CPEB3: variants seen among roughly 807,000 people sequenced by gnomAD.
The protein encoded by CPEB3 is cytoplasmic polyadenylation element-binding protein 3.
A neutral mutation model predicts 67.2 loss-of-function variants in CPEB3; 20 were observed. That is an observed-to-expected ratio of 0.30 (90% CI 0.21 to 0.43). CPEB3 has a LOEUF of 0.43. CPEB3 is among the 20% of genes least tolerant of loss of function. The pLI is 1.00. For missense variants in CPEB3, 746 were observed against 968.6 expected, an observed-to-expected ratio of 0.77 and a Z score of 3.05; for synonymous variants, 376 against 393.1, an observed-to-expected ratio of 0.96 and a Z score of 0.51.
intron 7 of CPEB3, among the ~76,000 whole-genome samples, chr10:92,104,477 C>A (rs1407258987): frequency 6.6e-6 from 1 of 151,356 alleles, no homozygotes; most frequent in African/African-American, 2.4e-5. Context: ...AGCCCCACCT[C>A]CCAGGTTCAC....
At chr10:92,221,270 A>G (rs138924588) in intron 2 of CPEB3, among the ~76,000 whole-genome samples, 108 of 152,310 alleles carry the variant, frequency 7.1e-4, no homozygotes, top group Non-Finnish European at 1.2e-3. Flanking sequence ...TGGCAGGTGG[A>G]TCACTTGAGG....
intron 8 of CPEB3, among the ~76,000 whole-genome samples, chr10:92,088,958 C>G (rs1415914989): frequency 1.3e-5 from 2 of 152,188 alleles, no homozygotes; most frequent in African/African-American, 4.8e-5. Flanking sequence ...AGTTCACATT[C>G]TATAAACACA....
chr10:92,151,349 A>G (rs1376241558), intron 4 of CPEB3, among the ~76,000 whole-genome samples: 2 of 152,286 alleles, frequency 1.3e-5, no homozygotes, highest in South Asian at 2.1e-4. Context: ...TAGCTCAGCA[A>G]TCAGTCACTT....
At chr10:92,088,334 C>T (rs902936156) in intron 8 of CPEB3, among the ~76,000 whole-genome samples, 9 of 149,042 alleles carry the variant, frequency 6.0e-5, no homozygotes, top group African/African-American at 2.0e-4. Flanking sequence ...TCAAGTGGTT[C>T]TCCTGCCTCA....
intron 6 of CPEB3, among the ~76,000 whole-genome samples, chr10:92,112,426 T>G (rs1564789295): frequency 6.6e-6 from 1 of 152,158 alleles, no homozygotes; most frequent in Admixed American, 6.5e-5. Flanking sequence ...ATTACAGGTG[T>G]GAGCCACCAC....
At chr10:92,070,039 A>C (rs1842697128) in intron 9 of CPEB3, among the ~76,000 whole-genome samples, 1 of 152,212 alleles carries the variant, frequency 6.6e-6, no homozygotes, top group Admixed American at 6.5e-5. Flanking sequence ...TTTGGAAAAA[A>C]AGGGACTAAG....
intron 5 of CPEB3, among the ~76,000 whole-genome samples, chr10:92,144,653 C>G (rs1030348014): frequency 5.0e-4 from 76 of 152,310 alleles, no homozygotes; most frequent in African/African-American, 1.8e-3. Flanking sequence ...GCAACTGCAC[C>G]ATCAGCTATA....
At position 92,048,539 on chromosome 10, in the gene CPEB3, T is replaced by G. The variant is rs942936818; in HGVS notation, c.*3673A>C. 2 of 152,552 alleles carry G rather than the reference T, an allele frequency of 1.3e-5. No individual in the cohort carries two copies. The highest frequency in any genetic ancestry group is 4.8e-5 in the African/African-American group (2 of 41,438). The allele number at this position is 152,552 out of a possible 1,614,324, so 9.4% of individuals were successfully genotyped here. A position where few individuals can be genotyped will look rare whatever the true frequency, so the allele number is the denominator to read the frequency against. On this transcript the variant is annotated 3_prime_UTR_variant, in exon 10 of 10. Transcript: ENST00000265997. The surrounding 1 kb of genome is among the most constrained non-coding windows in gnomAD (Gnocchi z 4.1). ...ACAGGTTTGGCTGCACCTGGTGTTG[T>G]ATAAATCCACCGTGACATCCCTAGA...
At chr10:92,087,911 T>A (rs1843440805) in intron 8 of CPEB3, among the ~76,000 whole-genome samples, 1 of 152,158 alleles carries the variant, frequency 6.6e-6, no homozygotes, top group Admixed American at 6.5e-5. Context: ...CTAAAGAATA[T>A]GCGAGCTTTA....
intron 4 of CPEB3, among the ~76,000 whole-genome samples, chr10:92,160,560 A>C (rs536343238): frequency 6.6e-6 from 1 of 152,168 alleles, no homozygotes; most frequent in Non-Finnish European, 1.5e-5. Flanking sequence ...TGACAACCCA[A>C]TGAAAAATCT....
At position 92,047,252 on chromosome 10, in the gene CPEB3, G is replaced by A. The variant is rs1281821822; in HGVS notation, c.*4960C>T. On this transcript the variant is annotated 3_prime_UTR_variant, in exon 10 of 10. Coordinates refer to ENST00000265997, the MANE Select transcript of CPEB3 (RefSeq NM_014912.5). ...ATTGCAGCTGAGATAGAGAAGTTTG[G>A]TTATTATAAAAGAAAAAAAAAAACA... 1 of 143,050 alleles carries A rather than the reference G, an allele frequency of 7.0e-6. No homozygotes were observed. Among genetic ancestry groups the A allele is most frequent in the Non-Finnish European group, 1.5e-5 (1 of 64,662 alleles). 8.9% of individuals were successfully genotyped at this position (143,050 alleles called of 1,614,324 possible).
intron 2 of CPEB3, among the ~76,000 whole-genome samples, chr10:92,225,728 T>C (rs1850937864): frequency 6.6e-6 from 1 of 152,182 alleles, no homozygotes; most frequent in Admixed American, 6.6e-5. Flanking sequence ...GTAAATTACA[T>C]TACACAGACA....
intron 3 of CPEB3, among the ~76,000 whole-genome samples, chr10:92,184,559 C>T (rs1848602584): frequency 1.3e-5 from 2 of 152,044 alleles, no homozygotes; most frequent in African/African-American, 4.8e-5. Flanking sequence ...GAGCCGAGAT[C>T]GTGTCACAGC....
intron 8 of CPEB3, among the ~76,000 whole-genome samples, chr10:92,082,717 C>T (rs77420419): frequency 0.01 from 1,586 of 152,218 alleles, 19 homozygotes; most frequent in African/African-American, 0.037. Flanking sequence ...CAGGTATGAC[C>T]ATTCCTTTTA....
At chr10:92,080,937 C>T (rs1174859787) in intron 9 of CPEB3, among the ~76,000 whole-genome samples, 1 of 152,146 alleles carries the variant, frequency 6.6e-6, no homozygotes, top group Non-Finnish European at 1.5e-5. Context: ...ACATCTCATA[C>T]ATACTCCTGA....
At chr10:92,222,557 T>A (rs1850754174) in intron 2 of CPEB3, among the ~76,000 whole-genome samples, 1 of 152,116 alleles carries the variant, frequency 6.6e-6, no homozygotes. Flanking sequence ...AAAGAGAAAT[T>A]TTAAGAGATG....
At chr10:92,209,439 C>A (rs1381508589) in intron 2 of CPEB3, among the ~76,000 whole-genome samples, 1 of 151,996 alleles carries the variant, frequency 6.6e-6, no homozygotes, top group Non-Finnish European at 1.5e-5. Context: ...GCATGAGAAT[C>A]GCTTGAACCC....
At chr10:92,120,648 G>A (rs965032452) in intron 6 of CPEB3, among the ~76,000 whole-genome samples, 7 of 152,018 alleles carry the variant, frequency 4.6e-5, no homozygotes, top group African/African-American at 1.7e-4. Context: ...GAAACAATCT[G>A]GATATTTCTT....
intron 2 of CPEB3, among the ~76,000 whole-genome samples, chr10:92,208,843 C>T (rs1358832935): frequency 2.0e-5 from 3 of 152,128 alleles, no homozygotes; most frequent in Non-Finnish European, 4.4e-5. Flanking sequence ...GATTCACCAG[C>T]CTCAGCCTTC....
Sources: gnomAD v4.1 joint callset for allele counts (sites outside exome capture counted in the v4.1 genomes callset) on GRCh38, gnomAD v4.1.1 for gene constraint, Gnocchi (gnomAD v3.1) non-coding constraint, MANE v1.5 for transcripts, NCBI Gene and HGNC (gene_info 2026-07-23, HGNC 2026-07-21) for gene names.